Variants in CADM2 observed in about 807,000 individuals in gnomAD.
CADM2 encodes the protein cell adhesion molecule 2, also known as immunoglobulin superfamily member 4D.
Under a neutral mutation model 49.8 loss-of-function variants are expected in CADM2, and 12 were observed. The ratio of observed to expected loss-of-function variants is 0.24; its 90% CI spans 0.15 to 0.39. The LOEUF (loss-of-function observed/expected upper bound fraction) is 0.39, where lower values mean the gene tolerates loss of function less well. CADM2 is among the 10% of genes least tolerant of loss of function. The pLI, the probability that CADM2 is intolerant of heterozygous loss-of-function variation, is 1.00. For missense variants in CADM2, 378 were observed against 492.3 expected (o/e 0.77, Z 2.20); for synonymous variants, 214 against 175.4 (o/e 1.22, Z -1.74).
chr3:85,492,459 G>T (rs1338797136), intron 1 of CADM2, among the ~76,000 whole-genome samples: 1 of 152,016 alleles, frequency 6.6e-6, no homozygotes, highest in African/African-American at 2.4e-5. Context: ...CGGCATGATA[G>T]TGCGTGCCTG....
intron 1 of CADM2, among the ~76,000 whole-genome samples, chr3:84,986,766 A>AT (rs1033610474): frequency 4.8e-5 from 7 of 144,570 alleles, no homozygotes; most frequent in Admixed American, 6.9e-5. Context: ...TAATAAAATA[A>AT]AAAAAAAAGA....
intron 1 of CADM2, chr3:85,385,773 G>A (rs1249761248): frequency 7.2e-6 from 1 of 138,570 alleles, no homozygotes; most frequent in African/African-American, 2.6e-5. Context: ...ACAAACACCT[G>A]TAAAACAGCA....
At chr3:85,769,567 G>GTATATACATATATGTATATATACACA (rs2069939263) in intron 2 of CADM2, among the ~76,000 whole-genome samples, 4 of 40,796 alleles carry the variant, frequency 9.8e-5, no homozygotes, top group African/African-American at 4.7e-4. Context: ...ATATATACAC[G>GTATATACATATATGTATATATACACA]TATATACATA....
intron 8 of CADM2, among the ~76,000 whole-genome samples, chr3:86,033,525 G>A (rs1734785666): frequency 6.6e-6 from 1 of 151,480 alleles, no homozygotes; most frequent in South Asian, 2.1e-4. Context: ...TTTTAACTCA[G>A]TAACATCCTT....
intron 1 of CADM2, among the ~76,000 whole-genome samples, chr3:85,377,217 T>C (rs1462084217): frequency 6.6e-6 from 1 of 152,114 alleles, no homozygotes. Flanking sequence ...GTTGAGGTTT[T>C]ATTTTGTGCT....
At chr3:85,452,522 T>C (rs774822367) in intron 1 of CADM2, among the ~76,000 whole-genome samples, 19 of 152,080 alleles carry the variant, frequency 1.2e-4, no homozygotes, top group Non-Finnish European at 2.4e-4. Flanking sequence ...TTGCATGTTT[T>C]CCAATAACTT....
chr3:85,760,376 G>T (rs1241640636), intron 2 of CADM2, among the ~76,000 whole-genome samples: 1 of 151,366 alleles, frequency 6.6e-6, no homozygotes, highest in African/African-American at 2.4e-5. Context: ...TTTTATCTGA[G>T]CAGTTGCTTT....
At chr3:85,994,861 A>C (rs1729175410) in intron 8 of CADM2, 1 of 152,140 alleles carries the variant, frequency 6.6e-6, no homozygotes, top group African/African-American at 2.4e-5. Flanking sequence ...ATTATTGATC[A>C]CATATCACTG....
At chr3:84,961,361 T>A (rs2030493201) in intron 1 of CADM2, among the ~76,000 whole-genome samples, 1 of 152,204 alleles carries the variant, frequency 6.6e-6, no homozygotes. Flanking sequence ...TAGAAAATTT[T>A]GGTGGTACTT....
At chr3:85,843,801 G>T (rs910602967) in intron 3 of CADM2, among the ~76,000 whole-genome samples, 4 of 151,954 alleles carry the variant, frequency 2.6e-5, no homozygotes, top group African/African-American at 9.7e-5. Context: ...AAACTCTAAT[G>T]CAAATATGTT....
At chr3:85,229,781 A>G (rs2042244036) in intron 1 of CADM2, among the ~76,000 whole-genome samples, 1 of 152,144 alleles carries the variant, frequency 6.6e-6, no homozygotes, top group South Asian at 2.1e-4. Flanking sequence ...TCAGGTGTAC[A>G]AGTGTGAACA....
intron 1 of CADM2, among the ~76,000 whole-genome samples, chr3:85,018,735 G>C (rs2034368108): frequency 6.6e-6 from 1 of 151,902 alleles, no homozygotes; most frequent in Non-Finnish European, 1.5e-5. Flanking sequence ...TGTCTCCTAT[G>C]GTAAGAACAA....
chr3:85,975,197 G>T (rs1726630188), intron 8 of CADM2, among the ~76,000 whole-genome samples: 1 of 151,264 alleles, frequency 6.6e-6, no homozygotes, highest in Non-Finnish European at 1.5e-5. Flanking sequence ...ATTTTAGTGA[G>T]TATTATTTAT....
chr3:85,047,040 A>G (rs2035695589), intron 1 of CADM2, among the ~76,000 whole-genome samples: 1 of 152,190 alleles, frequency 6.6e-6, no homozygotes, highest in Admixed American at 6.6e-5. Context: ...AACCCATTAA[A>G]TCAAGGTATG....
intron 1 of CADM2, among the ~76,000 whole-genome samples, chr3:85,226,969 G>A (rs1401372671): frequency 6.6e-6 from 1 of 152,186 alleles, no homozygotes; most frequent in African/African-American, 2.4e-5. Flanking sequence ...ATTCTAATTT[G>A]ATTGCACTGT....
At chr3:85,734,586 TAC>T (rs1328582399) in intron 2 of CADM2, among the ~76,000 whole-genome samples, 1 of 149,006 alleles carries the variant, frequency 6.7e-6, no homozygotes, top group African/African-American at 2.4e-5. Context: ...CATATACACA[TAC>T]ACATATATAT....
intron 1 of CADM2, among the ~76,000 whole-genome samples, chr3:85,077,959 C>G (rs781108873): frequency 3.3e-5 from 5 of 152,064 alleles, no homozygotes; most frequent in Non-Finnish European, 5.9e-5. Context: ...TGCACACAAA[C>G]TCTGCCAAGC....
intron 1 of CADM2, among the ~76,000 whole-genome samples, chr3:85,143,518 T>C (rs2039640814): frequency 6.6e-6 from 1 of 152,154 alleles, no homozygotes; most frequent in African/African-American, 2.4e-5. Context: ...CAGTATATAT[T>C]TGAGACAGAT....
chr3:85,080,709 A>G (rs1422163258), intron 1 of CADM2, among the ~76,000 whole-genome samples: 1 of 151,752 alleles, frequency 6.6e-6, no homozygotes. Flanking sequence ...TTCTCAGATG[A>G]CCTCTTATTT....
Sources: allele counts gnomAD v4.1 joint callset (sites outside exome capture counted in the v4.1 genomes callset), GRCh38; gene constraint gnomAD v4.1.1; transcripts MANE v1.5; gene names NCBI Gene and HGNC (gene_info 2026-07-23, HGNC 2026-07-21).